The following ALDH1L1 variants were observed in gnomAD, a reference collection of about 807,000 sequenced individuals.
The protein encoded by ALDH1L1 is aldehyde dehydrogenase 1 family member L1.
A neutral mutation model predicts 101.1 loss-of-function variants in ALDH1L1; 68 were observed. The observed-to-expected ratio is 0.67, with a 90% CI of 0.55 to 0.82. The LOEUF is 0.82. Among genes scored for constraint, ALDH1L1 ranks in the 40% least tolerant of loss-of-function variants. The pLI is 0.00. For synonymous variants in ALDH1L1, 486 were observed against 470.8 expected, an observed-to-expected ratio of 1.03 and a Z score of -0.42; for missense variants, 1,087 against 1,172.7, an observed-to-expected ratio of 0.93 and a Z score of 1.07.
intron 1 of ALDH1L1, among the ~76,000 whole-genome samples, chr3:126,176,901 AT>A (rs1322640413): frequency 6.6e-6 from 1 of 152,242 alleles, no homozygotes. Context: ...GGCCAAGTAA[AT>A]TAACCGACAT....
chr3:126,130,560 G>A (rs142284813), intron 13 of ALDH1L1, among the ~76,000 whole-genome samples: 317 of 152,360 alleles, frequency 2.1e-3, no homozygotes, highest in African/African-American at 7.4e-3. Context: ...AAGGGTGAGG[G>A]TGGGGGCAGG....
At chr3:126,121,104 C>T (rs558458758) in intron 16 of ALDH1L1, among the ~76,000 whole-genome samples, 1 of 152,294 alleles carries the variant, frequency 6.6e-6, no homozygotes, top group African/African-American at 2.4e-5. Context: ...TGGGCACAGA[C>T]ACCACATCTT....
At chr3:126,137,680 G>A in intron 10 of ALDH1L1, 133 bp downstream of exon 10, 2 of 1,289,538 alleles carry the variant, frequency 1.6e-6, no homozygotes, top group Non-Finnish European at 2.1e-6. Flanking sequence ...GGGAGAGTGT[G>A]GGAAACTGAA....
upstream of ALDH1L1, among the ~76,000 whole-genome samples, chr3:126,182,622 C>A (rs1355755352): frequency 6.6e-6 from 1 of 152,028 alleles, no homozygotes; most frequent in Non-Finnish European, 1.5e-5. Context: ...GTGTTAGGGG[C>A]CTGCAATGGG....
chr3:126,105,126 G>A (rs1256918943), intron 22 of ALDH1L1: 1 of 168,698 alleles, frequency 5.9e-6, no homozygotes, highest in East Asian at 1.5e-4. Context: ...GCTGCCGCCT[G>A]AGTAACTTCA....
At chr3:126,126,244 G>A (rs1424176170) in intron 14 of ALDH1L1, among the ~76,000 whole-genome samples, 1 of 152,198 alleles carries the variant, frequency 6.6e-6, no homozygotes, top group Non-Finnish European at 1.5e-5. Flanking sequence ...GTTCTAGAGC[G>A]AGCCTCTGGC....
chr3:126,167,820 C>A (rs747863145), intron 1 of ALDH1L1, among the ~76,000 whole-genome samples: 27 of 152,064 alleles, frequency 1.8e-4, no homozygotes, highest in Non-Finnish European at 7.4e-5. Context: ...ACTCACCTTG[C>A]GATTTTACCC....
intron 20 of ALDH1L1, 21 bp downstream of exon 20, chr3:126,109,923 A>G (rs751822141): frequency 6.2e-7 from 1 of 1,612,418 alleles, no homozygotes; most frequent in East Asian, 2.2e-5. Context: ...ACCCAAGCGG[A>G]CCTGACACAC....
At chr3:126,125,518 G>A (rs576851105) in intron 15 of ALDH1L1, 98 bp downstream of exon 15, 30 of 952,774 alleles carry the variant, frequency 3.1e-5, no homozygotes, top group South Asian at 1.7e-4. Context: ...TCCAGTGCCC[G>A]TGTGGCCAAG....
chr3:126,120,013 TCA>T (rs2080047783), intron 16 of ALDH1L1, among the ~76,000 whole-genome samples: 1 of 152,248 alleles, frequency 6.6e-6, no homozygotes, highest in Non-Finnish European at 1.5e-5. Context: ...ACAGGAACTC[TCA>T]GTCATTGCTG....
intron 1 of ALDH1L1, among the ~76,000 whole-genome samples, chr3:126,190,594 T>C (rs2081546856): frequency 6.6e-6 from 1 of 152,244 alleles, no homozygotes; most frequent in Non-Finnish European, 1.5e-5. Flanking sequence ...ATCAATCTTA[T>C]GGAGTTTATT....
chr3:126,177,024 A>G (rs1228168126), intron 1 of ALDH1L1, among the ~76,000 whole-genome samples: 1 of 152,242 alleles, frequency 6.6e-6, no homozygotes, highest in Non-Finnish European at 1.5e-5. Context: ...CTATATGCGT[A>G]TTAGAAGAGT....
intron 1 of ALDH1L1, among the ~76,000 whole-genome samples, chr3:126,165,801 G>A (rs1251839771): frequency 6.6e-6 from 1 of 152,034 alleles, no homozygotes; most frequent in Non-Finnish European, 1.5e-5. Context: ...ATACTTATTT[G>A]GATCTTCTCT....
upstream of ALDH1L1, among the ~76,000 whole-genome samples, chr3:126,186,179 T>A (rs750715): frequency 0.11 from 16,465 of 152,222 alleles, 1,288 homozygotes; most frequent in African/African-American, 0.22. Context: ...AATGGTAAAT[T>A]TTGGGTTATG....
upstream of ALDH1L1, chr3:126,180,769 G>T (rs146290070): frequency 6.9e-7 from 1 of 1,455,628 alleles, no homozygotes; most frequent in South Asian, 1.4e-5. Context: ...AGGGGCCTGC[G>T]CTCTTTCCCG....
At chr3:126,164,465 A>T (rs1010385871) in intron 1 of ALDH1L1, among the ~76,000 whole-genome samples, 1 of 152,206 alleles carries the variant, frequency 6.6e-6, no homozygotes, top group African/African-American at 2.4e-5. Context: ...ACAAGTGAGA[A>T]CGTGCAGTAT....
Position 126,153,524 on chromosome 3 carries a change from C to G in ALDH1L1, c.778G>C (p.Ala260Pro), listed in dbSNP as rs753739852. The G allele has an allele frequency of 2.5e-6, 4 of 1,614,026 alleles. No homozygotes were observed. The highest frequency in any genetic ancestry group is 2.7e-5 in the African/African-American group (2 of 74,920). ...NTSGLVPEGD[A>P]LPIPGAHRPG... ...CGATGGGCTCCTGGGATGGGCAAAG[C>G]GTCTCCCTCGGGCACCAGGCCTGAA... Residue 260 changes from alanine (A) to proline (P), a missense_variant, in exon 7 of 23, where the codon GCT becomes CCT. By Grantham distance (27) the Ala-to-Pro change is conservative. Coordinates refer to ENST00000393434, the MANE Select transcript of ALDH1L1 (RefSeq NM_012190.4).
chr3:126,123,538 G>A (rs1394944975), intron 16 of ALDH1L1, among the ~76,000 whole-genome samples: 1 of 151,528 alleles, frequency 6.6e-6, no homozygotes, highest in East Asian at 1.9e-4. Context: ...GATTACAGGT[G>A]TGAGCCACTG....
intron 1 of ALDH1L1, among the ~76,000 whole-genome samples, chr3:126,169,755 G>A (rs1038482814): frequency 7.9e-5 from 12 of 152,136 alleles, no homozygotes; most frequent in African/African-American, 2.7e-4. Flanking sequence ...AAAGGCCTAT[G>A]TAGCAAATAA....
Sources: gnomAD v4.1 joint callset for allele counts (sites outside exome capture counted in the v4.1 genomes callset) on GRCh38, gnomAD v4.1.1 for gene constraint, MANE v1.5 for transcripts, NCBI Gene and HGNC (gene_info 2026-07-23, HGNC 2026-07-21) for gene names.